The following CDK14 variants were observed in gnomAD, a reference collection of about 807,000 sequenced individuals.
CDK14 encodes the protein cyclin-dependent kinase 14.
A neutral mutation model predicts 60.7 loss-of-function variants in CDK14; 34 were observed. That is an observed-to-expected ratio of 0.56 (90% confidence interval 0.43 to 0.75). The LOEUF (loss-of-function observed/expected upper bound fraction) is 0.75, where lower values mean the gene tolerates loss of function less well. Ranked by LOEUF, CDK14 falls within the 30% of genes least tolerant of loss-of-function variation. CDK14 has a pLI of 0.00. For synonymous variants in CDK14, 197 were observed against 203.7 expected (o/e 0.97, Z 0.28); for missense variants, 482 against 564.1 (o/e 0.85, Z 1.47).
intron 10 of CDK14, among the ~76,000 whole-genome samples, chr7:91,035,031 C>T (rs951521863): frequency 1.3e-5 from 2 of 151,780 alleles, no homozygotes; most frequent in Non-Finnish European, 2.9e-5. Flanking sequence ...TGTGATTGTG[C>T]TGGTTCCCTG....
At chr7:90,970,476 A>T (rs1176465500) in intron 9 of CDK14, among the ~76,000 whole-genome samples, 2 of 152,144 alleles carry the variant, frequency 1.3e-5, no homozygotes, top group Non-Finnish European at 2.9e-5. Context: ...GCTCTTTTTT[A>T]ACCTGACCAG....
In CDK14 at chr7:90,685,651, T is replaced by C. The variant is rs972360164; in HGVS notation, c.124-40916T>C. Among the ~76,000 whole-genome samples, 21 of 16,668 alleles carry C rather than the reference T, an allele frequency of 1.3e-3. No homozygotes were observed. The Middle Eastern group carries it at 0.056, about 44-fold the overall frequency. The allele number at this position is 16,668 out of a possible 152,430, so 10.9% of individuals were successfully genotyped here. On this transcript the variant is annotated intron_variant, in intron 2 of 14. Transcript: ENST00000380050. ...ATGCCATCTTGCCCAGCCAATTAAT[T>C]TTTTTTTTTTTTTTTTTTTTTTTTG...
intron 4 of CDK14, among the ~76,000 whole-genome samples, chr7:90,762,166 ACC>A (rs1204647696): frequency 1.3e-5 from 2 of 152,186 alleles, no homozygotes; most frequent in Non-Finnish European, 2.9e-5. Flanking sequence ...AGGAGATGTC[ACC>A]AGGCAGGTAA....
intron 1 of CDK14, among the ~76,000 whole-genome samples, chr7:90,597,713 A>C (rs887608748): frequency 6.6e-6 from 1 of 152,216 alleles, no homozygotes; most frequent in African/African-American, 2.4e-5. Flanking sequence ...AAGGTACTTA[A>C]TTCCTTAAAA....
At position 90,795,798 on chromosome 7, in the gene CDK14, G is replaced by A. The variant is rs145193637; in HGVS notation, c.544+5146G>A. ...GCAGGCAGGATTCCTGGTATGCAGGGTGTGCACTAGAATTAATCAACCTAA... is the reference window on the plus strand; with the variant it reads ...GCAGGCAGGATTCCTGGTATGCAGGATGTGCACTAGAATTAATCAACCTAA... On this transcript the variant is annotated intron_variant, in intron 5 of 14. Transcript: ENST00000380050. Among the ~76,000 whole-genome samples the A allele has an allele frequency of 2.5e-3, 386 of 152,276 alleles. 4 individuals carry two copies. The highest frequency in any genetic ancestry group is 5.4e-3 in the South Asian group (26 of 4,826).
intron 10 of CDK14, among the ~76,000 whole-genome samples, chr7:91,028,021 AT>A (rs150406840): frequency 0.23 from 30,733 of 132,260 alleles, 3,836 homozygotes; most frequent in South Asian, 0.3. Context: ...CCAATAGGTG[AT>A]TTTTTTTTAT....
Position 90,732,164 on chromosome 7 carries a change from C to T in CDK14, c.369+5352C>T, listed in dbSNP as rs186662701. On this transcript the variant is annotated intron_variant, in intron 3 of 14. Transcript: ENST00000380050. Reference sequence around the variant, plus strand: ...CATTTATTGATTGGCTTATGTTCAACCAACCTTGCATTCCAGGGATGAAGC... The same window carrying T: ...CATTTATTGATTGGCTTATGTTCAATCAACCTTGCATTCCAGGGATGAAGC... 4.6e-4 allele frequency among the ~76,000 whole-genome samples: 70 copies of T among 152,260 alleles called. 3 individuals carry two copies. In the East Asian group the frequency reaches 0.012, roughly 26 times the overall value.
chr7:91,163,585 C>T (rs1452862371), intron 14 of CDK14, among the ~76,000 whole-genome samples: 1 of 152,118 alleles, frequency 6.6e-6, no homozygotes, highest in African/African-American at 2.4e-5. Context: ...ACATATCCAT[C>T]ACCTCACTTA....
intron 7 of CDK14, among the ~76,000 whole-genome samples, chr7:90,913,021 G>C (rs150383696): frequency 6.6e-6 from 1 of 152,192 alleles, no homozygotes; most frequent in African/African-American, 2.4e-5. Flanking sequence ...GTGTTTACCA[G>C]GTTTTATTAG....
chr7:90,600,362 G>A (rs1799289370), intron 1 of CDK14, among the ~76,000 whole-genome samples: 1 of 152,116 alleles, frequency 6.6e-6, no homozygotes, highest in Non-Finnish European at 1.5e-5. Context: ...GAAGGAGAAA[G>A]GCTTTATGTA....
intron 14 of CDK14, among the ~76,000 whole-genome samples, chr7:91,181,803 G>T (rs955116949): frequency 1.3e-5 from 2 of 151,986 alleles, no homozygotes; most frequent in African/African-American, 4.8e-5. Flanking sequence ...ATTTCTAATA[G>T]CTTCCTTTCT....
At chr7:90,976,953 A>G (rs1795090045) in intron 9 of CDK14, among the ~76,000 whole-genome samples, 1 of 152,112 alleles carries the variant, frequency 6.6e-6, no homozygotes, top group Admixed American at 6.6e-5. Context: ...TTGGTTTGAT[A>G]TAATCCCATT....
At chr7:91,075,240 C>G (rs1242913456) in intron 11 of CDK14, among the ~76,000 whole-genome samples, 1 of 152,170 alleles carries the variant, frequency 6.6e-6, no homozygotes, top group Non-Finnish European at 1.5e-5. Context: ...CAAAAATCCT[C>G]AATAAAATAC....
At chr7:91,093,773 C>T (rs916298042) in intron 12 of CDK14, among the ~76,000 whole-genome samples, 27 of 152,104 alleles carry the variant, frequency 1.8e-4, no homozygotes, top group African/African-American at 6.5e-4. Context: ...TGGAATCAAC[C>T]TAGGTGCCCA....
At chr7:90,605,835 A>G (rs1177395659) in intron 2 of CDK14, among the ~76,000 whole-genome samples, 2 of 152,186 alleles carry the variant, frequency 1.3e-5, no homozygotes, top group African/African-American at 4.8e-5. Context: ...AACTCTTCCT[A>G]ATCATCATTA....
intron 10 of CDK14, among the ~76,000 whole-genome samples, chr7:90,993,423 G>T (rs1795591503): frequency 6.6e-6 from 1 of 152,036 alleles, no homozygotes; most frequent in Admixed American, 6.6e-5. Context: ...GATCCAAAAA[G>T]GCATACTGGA....
intron 12 of CDK14, among the ~76,000 whole-genome samples, chr7:91,091,472 TAC>T (rs1268962907): frequency 2.3e-5 from 3 of 129,186 alleles, no homozygotes; most frequent in African/African-American, 2.9e-5. Flanking sequence ...ATAATATATA[TAC>T]ATATATGTAT....
At chr7:91,061,504 C>T (rs929444237) in intron 11 of CDK14, among the ~76,000 whole-genome samples, 11 of 152,186 alleles carry the variant, frequency 7.2e-5, no homozygotes, top group Non-Finnish European at 1.3e-4. Flanking sequence ...AGTTTTTCTG[C>T]TCTGTTTTTT....
intron 10 of CDK14, among the ~76,000 whole-genome samples, chr7:91,002,979 G>C: frequency 6.6e-6 from 1 of 152,142 alleles, no homozygotes; most frequent in East Asian, 1.9e-4. Context: ...GGCTGAGGCA[G>C]GAGAATGGCA....
Sources: allele counts gnomAD v4.1 joint callset (sites outside exome capture counted in the v4.1 genomes callset), GRCh38; gene constraint gnomAD v4.1.1; transcripts MANE v1.5; gene names NCBI Gene and HGNC (gene_info 2026-07-23, HGNC 2026-07-21).